NLK: variants seen among roughly 807,000 people sequenced by gnomAD.
The protein encoded by NLK is serine/threonine-protein kinase NLK.
A neutral mutation model predicts 59.0 loss-of-function variants in NLK; 11 were observed. The observed-to-expected ratio is 0.19, with a 90% CI of 0.12 to 0.31. NLK has a LOEUF of 0.31. Ranked by LOEUF, NLK falls within the 10% of genes least tolerant of loss-of-function variation. The pLI, the probability that NLK is intolerant of heterozygous loss-of-function variation, is 1.00. For synonymous variants in NLK, 235 were observed against 235.9 expected (o/e 1.00, Z 0.03); for missense variants, 410 against 661.1 (o/e 0.62, Z 4.16).
At chr17:28,049,052 G>C (rs948904772) in intron 1 of NLK, 2 of 152,232 alleles carry the variant, frequency 1.3e-5, no homozygotes, top group African/African-American at 4.8e-5. Context: ...GTGTGATCCT[G>C]ATATTGCTTG....
At chr17:28,192,350 G>C in intron 10 of NLK, 137 bp downstream of exon 10, 1 of 598,412 alleles carries the variant, frequency 1.7e-6, no homozygotes, top group South Asian at 2.1e-5. Context: ...ATGAGGTTTG[G>C]CTTTAGTCAA....
intron 1 of NLK, among the ~76,000 whole-genome samples, chr17:28,098,980 C>T (rs1904806397): frequency 6.6e-6 from 1 of 152,062 alleles, no homozygotes; most frequent in African/African-American, 2.4e-5. Flanking sequence ...CCGTGCCTGG[C>T]TTTCATTACC....
At chr17:28,185,310 C>T in intron 8 of NLK, 45 bp downstream of exon 8, 1 of 1,172,102 alleles carries the variant, frequency 8.5e-7, no homozygotes, top group Non-Finnish European at 1.2e-6. Flanking sequence ...ATTACAAATA[C>T]ATGTGTTCGA....
At chr17:28,113,533 G>A (rs182578076) in intron 1 of NLK, among the ~76,000 whole-genome samples, 4 of 152,212 alleles carry the variant, frequency 2.6e-5, no homozygotes, top group Non-Finnish European at 5.9e-5. Context: ...GTGTTGCCAT[G>A]GCATTTGTAA....
At chr17:28,095,447 T>A (rs192177999) in intron 1 of NLK, among the ~76,000 whole-genome samples, 3 of 152,300 alleles carry the variant, frequency 2.0e-5, no homozygotes, top group Admixed American at 6.5e-5. Flanking sequence ...AGACTGTAAC[T>A]CAACATAGTT....
intron 1 of NLK, among the ~76,000 whole-genome samples, chr17:28,080,139 A>G (rs1323842790): frequency 1.3e-5 from 2 of 152,054 alleles, no homozygotes; most frequent in East Asian, 3.9e-4. Flanking sequence ...GTGTGTGTGT[A>G]TGTGTCTGTC....
intron 1 of NLK, among the ~76,000 whole-genome samples, chr17:28,082,969 G>A (rs1027189439): frequency 6.6e-6 from 1 of 152,116 alleles, no homozygotes; most frequent in African/African-American, 2.4e-5. Context: ...ATTTTGGTTG[G>A]TCATAAAAAC....
In NLK at chr17:28,051,975, T is replaced by TAA. The variant is rs148753095; in HGVS notation, c.458+8645_458+8646insAA. On this transcript the variant is annotated intron_variant, in intron 1 of 10. Coordinates refer to ENST00000407008, the MANE Select transcript of NLK (RefSeq NM_016231.5). ...CCCTGTTCCAGAGTGGTGACTTTTA[T>TAA]AGAGTTTTCTAATTTGGGATTAGAT... Among the ~76,000 whole-genome samples, 1,100 of 152,278 alleles carry TAA rather than the reference T, an allele frequency of 7.2e-3. 5 individuals are homozygous for TAA. The highest frequency in any genetic ancestry group is 0.011 in the Non-Finnish European group (773 of 68,016).
At chr17:28,111,896 G>GTGGTGTGTGT (rs1394476582) in intron 1 of NLK, among the ~76,000 whole-genome samples, 49 of 67,540 alleles carry the variant, frequency 7.3e-4, no homozygotes, top group East Asian at 2.5e-3. Flanking sequence ...GTGTGTGTGT[G>GTGGTGTGTGT]GTGTGTGTGT....
chr17:28,081,762 A>G (rs939172505), intron 1 of NLK, among the ~76,000 whole-genome samples: 1 of 152,172 alleles, frequency 6.6e-6, no homozygotes, highest in Non-Finnish European at 1.5e-5. Context: ...CTCCAAGCAA[A>G]TTCCCTGTCC....
chr17:28,085,656 G>A (rs111292106), intron 1 of NLK, among the ~76,000 whole-genome samples: 1 of 152,106 alleles, frequency 6.6e-6, no homozygotes, highest in African/African-American at 2.4e-5. Flanking sequence ...CAGGAGAACC[G>A]CTTGAACCCA....
chr17:28,052,594 A>G (rs1472429802), intron 1 of NLK, among the ~76,000 whole-genome samples: 1 of 152,220 alleles, frequency 6.6e-6, no homozygotes, highest in African/African-American at 2.4e-5. Flanking sequence ...CAGTAAATAC[A>G]TAGTGAAAGT....
At chr17:28,169,334 A>C (rs1169944793) in intron 6 of NLK, among the ~76,000 whole-genome samples, 1 of 152,214 alleles carries the variant, frequency 6.6e-6, no homozygotes. Flanking sequence ...ATGTACTTAC[A>C]CTTTGTGCTT....
At chr17:28,057,965 G>A (rs887305967) in intron 1 of NLK, among the ~76,000 whole-genome samples, 3 of 152,196 alleles carry the variant, frequency 2.0e-5, no homozygotes, top group Admixed American at 1.3e-4. Flanking sequence ...GGCAACTGCT[G>A]TGTTTGCTGC....
At chr17:28,156,052 CA>C (rs988861453) in intron 3 of NLK, among the ~76,000 whole-genome samples, 36 of 152,166 alleles carry the variant, frequency 2.4e-4, no homozygotes, top group African/African-American at 8.4e-4. Flanking sequence ...AATATTCTTG[CA>C]TTTTTTTATA....
At chr17:28,167,112 C>T (rs76922936) in intron 5 of NLK, among the ~76,000 whole-genome samples, 6,150 of 152,246 alleles carry the variant, frequency 0.04, 383 homozygotes, top group African/African-American at 0.14. Context: ...AAGAAATTCA[C>T]ATATATTTCA....
At chr17:28,044,681 A>G (rs1044194434) in intron 1 of NLK, among the ~76,000 whole-genome samples, 2 of 152,170 alleles carry the variant, frequency 1.3e-5, no homozygotes, top group African/African-American at 2.4e-5. Flanking sequence ...TCCACAGACT[A>G]TCTCAGAGAT....
intron 8 of NLK, among the ~76,000 whole-genome samples, chr17:28,189,856 G>A (rs563822257): frequency 2.0e-4 from 31 of 152,236 alleles, no homozygotes; most frequent in African/African-American, 6.0e-4. Flanking sequence ...AAAAAAACAA[G>A]GTTATCAAGT....
At position 28,052,267 on chromosome 17, in the gene NLK, A is replaced by C. The variant is rs576846678; in HGVS notation, c.458+8936A>C. ...TGAGTGATTTTTAAATTTTTAAATA[A>C]AATTTAATGTTCAGTATTTTGTCAT... On this transcript the variant is annotated intron_variant, in intron 1 of 10. Coordinates refer to ENST00000407008, the MANE Select transcript of NLK (RefSeq NM_016231.5). Among the ~76,000 whole-genome samples the C allele has an allele frequency of 3.3e-5, 5 of 152,346 alleles. No individual in the cohort carries two copies. In the East Asian group the frequency reaches 9.6e-4, roughly 29 times the overall value.
Sources: allele counts gnomAD v4.1 joint callset (sites outside exome capture counted in the v4.1 genomes callset), GRCh38; gene constraint gnomAD v4.1.1; transcripts MANE v1.5; gene names NCBI Gene and HGNC (gene_info 2026-07-23, HGNC 2026-07-21).